The following DOP1B variants were observed in gnomAD, a reference collection of about 807,000 sequenced individuals.
DOP1B encodes the protein DOP1 leucine zipper like protein B.
A neutral mutation model predicts 233.5 loss-of-function variants in DOP1B; 174 were observed. The ratio of observed to expected loss-of-function variants is 0.75; its 90% CI spans 0.66 to 0.85. The LOEUF is 0.85. Among genes scored for constraint, DOP1B ranks in the 40% least tolerant of loss-of-function variants. The pLI, the probability that DOP1B is intolerant of heterozygous loss-of-function variation, is 0.00. For synonymous variants in DOP1B, 1,190 were observed against 1,185.6 expected, an observed-to-expected ratio of 1.00 and a Z score of -0.08; for missense variants, 2,652 against 2,846.6, an observed-to-expected ratio of 0.93 and a Z score of 1.56.
At chr21:36,233,879 A>G (rs1158582133) in intron 15 of DOP1B, among the ~76,000 whole-genome samples, 1 of 152,038 alleles carries the variant, frequency 6.6e-6, no homozygotes, top group Non-Finnish European at 1.5e-5. Flanking sequence ...GTTGAGACGG[A>G]GTCCCGCTCT....
At chr21:36,251,735 A>G (rs1274931208) in intron 22 of DOP1B, among the ~76,000 whole-genome samples, 1 of 152,190 alleles carries the variant, frequency 6.6e-6, no homozygotes, top group Non-Finnish European at 1.5e-5. Context: ...TCATCATTTG[A>G]AATGCATGAG....
Position 36,179,829 on chromosome 21 carries a change from C to T in DOP1B, c.138+14958C>T, listed in dbSNP as rs1485483174. ...GGACTAGTGTATTTCCAGTTTTTCA[C>T]GACTCTGAATAAAGCTGTAATGAAC... is the stretch of plus-strand genomic sequence containing the variant. On this transcript the variant is annotated intron_variant, in intron 2 of 36. Transcript: ENST00000691173. Among the ~76,000 whole-genome samples, 4 of 152,156 alleles carry T rather than the reference C, an allele frequency of 2.6e-5. No homozygotes were observed. In the East Asian group the frequency reaches 5.8e-4, roughly 22 times the overall value.
At chr21:36,159,258 G>C (rs8129744) in intron 1 of DOP1B, among the ~76,000 whole-genome samples, 134,832 of 152,042 alleles carry the variant, frequency 0.89, 59,915 homozygotes, top group African/African-American at 0.95. Context: ...TCGAGACCAG[G>C]CTGACCAACA....
chr21:36,171,541 G>A (rs754769734), intron 2 of DOP1B, among the ~76,000 whole-genome samples: 2 of 152,146 alleles, frequency 1.3e-5, no homozygotes, highest in African/African-American at 4.8e-5. Flanking sequence ...GGGAAATGTA[G>A]ACACAGACAT....
At chr21:36,195,172 T>G (rs886270859) in intron 2 of DOP1B, among the ~76,000 whole-genome samples, 2 of 151,856 alleles carry the variant, frequency 1.3e-5, no homozygotes, top group African/African-American at 2.4e-5. Context: ...TCAACTTGTC[T>G]CTACTAAAAA....
At chr21:36,190,598 A>G (rs2066222344) in intron 2 of DOP1B, among the ~76,000 whole-genome samples, 1 of 152,010 alleles carries the variant, frequency 6.6e-6, no homozygotes, top group African/African-American at 2.4e-5. Context: ...GGGTTTCGCC[A>G]TGTTGCCCAG....
chr21:36,267,219 C>T (rs2067240057), intron 26 of DOP1B, among the ~76,000 whole-genome samples: 1 of 152,238 alleles, frequency 6.6e-6, no homozygotes. Flanking sequence ...ACTGATCATA[C>T]TCCTGAGAGT....
intron 24 of DOP1B, among the ~76,000 whole-genome samples, chr21:36,262,247 G>A (rs1204982213): frequency 6.6e-6 from 1 of 152,210 alleles, no homozygotes; most frequent in Admixed American, 6.5e-5. Flanking sequence ...GCTGGCGAAT[G>A]TTGAGTGTAG....
At chr21:36,162,276 C>T (rs1283412661) in intron 1 of DOP1B, among the ~76,000 whole-genome samples, 1 of 152,138 alleles carries the variant, frequency 6.6e-6, no homozygotes, top group Non-Finnish European at 1.5e-5. Flanking sequence ...CTCACTGCAG[C>T]CTCAACCTCC....
At chr21:36,215,373 C>G (rs965425173) in intron 9 of DOP1B, among the ~76,000 whole-genome samples, 26 of 152,078 alleles carry the variant, frequency 1.7e-4, no homozygotes, top group Non-Finnish European at 4.4e-5. Flanking sequence ...GTGACCTTCT[C>G]TCACTATTTA....
At chr21:36,163,022 CAG>C (rs2065881479) in intron 1 of DOP1B, among the ~76,000 whole-genome samples, 1 of 151,980 alleles carries the variant, frequency 6.6e-6, no homozygotes, top group Admixed American at 6.6e-5. Context: ...AGTGAGGAAA[CAG>C]AAAGGACCTC....
At chr21:36,292,611 GT>G (rs35069387) in intron 36 of DOP1B, among the ~76,000 whole-genome samples, 4,391 of 124,620 alleles carry the variant, frequency 0.035, 54 homozygotes, top group Non-Finnish European at 0.048. Context: ...TTGTTTTTGG[GT>G]TTTTTTTTTT....
intron 31 of DOP1B, among the ~76,000 whole-genome samples, chr21:36,281,235 G>A (rs868320663): frequency 2.8e-4 from 43 of 152,142 alleles, no homozygotes; most frequent in Middle Eastern, 3.4e-3. Context: ...GGTCGAGGCC[G>A]CAGTGAGCTG....
intron 1 of DOP1B, among the ~76,000 whole-genome samples, chr21:36,161,402 G>T (rs1051551411): frequency 6.6e-6 from 1 of 152,174 alleles, no homozygotes; most frequent in Non-Finnish European, 1.5e-5. Context: ...CTCCCAAAGC[G>T]CTGGGATTAT....
chr21:36,275,254 C>T (rs2067337811), intron 27 of DOP1B, among the ~76,000 whole-genome samples: 1 of 152,108 alleles, frequency 6.6e-6, no homozygotes, highest in Non-Finnish European at 1.5e-5. Flanking sequence ...TAGCAGAGTC[C>T]TTGATGGCCA....
rs151106455 is a variant in DOP1B at position 36,214,484 on chromosome 21, G to A, written c.1057G>A (p.Val353Met). The A allele has an allele frequency of 1.2e-4, 195 of 1,613,768 alleles. No homozygotes were observed. Among genetic ancestry groups the A allele is most frequent in the African/African-American group, 1.2e-3 (88 of 74,982 alleles). ...ILHQKFIDADVEERHHAYLKP... is the reference protein window; with the variant it reads ...ILHQKFIDADMEERHHAYLKP... ...GCATCAGAAGTTCATAGATGCTGACGTGGAGGAACGCCATCATGCATACCT... is the reference window on the plus strand; with the variant it reads ...GCATCAGAAGTTCATAGATGCTGACATGGAGGAACGCCATCATGCATACCT... The change falls in exon 9 of 37, where the codon GTG (valine) becomes ATG (methionine). Residue 353 changes from valine to methionine, a missense_variant. Around this residue, in one of 3 missense-constraint regions of DOP1B, gnomAD observed 2,617 missense variants for 2,794.3 expected, o/e 0.94. Transcript: ENST00000691173.
intron 36 of DOP1B, 66 bp downstream of exon 36, chr21:36,292,299 C>T (rs181123783): frequency 3.7e-6 from 5 of 1,365,002 alleles, no homozygotes; most frequent in African/African-American, 3.0e-5. Context: ...CTCGGCCACC[C>T]AGGTTAGAGT....
chr21:36,200,271 C>T (rs2066345539), intron 3 of DOP1B, 60 bp from the exon 4 acceptor site: 2 of 1,504,738 alleles, frequency 1.3e-6, no homozygotes, highest in South Asian at 1.3e-5. Flanking sequence ...TGGCTTGTCA[C>T]CTGGGACTTC....
At chr21:36,237,134 G>A (rs140678394) in intron 15 of DOP1B, 128 bp from the exon 16 acceptor site, 46 of 1,284,546 alleles carry the variant, frequency 3.6e-5, no homozygotes, top group Non-Finnish European at 4.9e-5. Flanking sequence ...TCTGAGCATG[G>A]AGGATTCTCA....
Sources: gnomAD v4.1 joint callset for allele counts (sites outside exome capture counted in the v4.1 genomes callset) on GRCh38, gnomAD v4.1.1 for gene constraint, gnomAD v4.1.1 regional missense constraint, MANE v1.5 for transcripts, NCBI Gene and HGNC (gene_info 2026-07-23, HGNC 2026-07-21) for gene names.